Variants in ATP1A3 observed in about 807,000 individuals in gnomAD.
ATP1A3 encodes the protein sodium/potassium-transporting ATPase subunit alpha-3.
Under a neutral mutation model 108.8 loss-of-function variants are expected in ATP1A3, and 12 were observed. The ratio of observed to expected loss-of-function variants is 0.11; its 90% CI spans 0.07 to 0.18. The LOEUF (loss-of-function observed/expected upper bound fraction) is 0.18. Ranked by LOEUF, ATP1A3 falls within the 10% of genes least tolerant of loss-of-function variation. The pLI is 1.00. For missense variants in ATP1A3, 498 were observed against 1,387.7 expected (o/e 0.36, Z 10.19); for synonymous variants, 539 against 564.5 (o/e 0.95, Z 0.64).
rs2075072893 is a variant in ATP1A3, at chr19:41,968,939, CG to C, written c.2689-25del. 1 of 1,613,206 alleles carries C rather than the reference CG, an allele frequency of 6.2e-7. No homozygotes were observed. The highest frequency in any genetic ancestry group is 1.7e-5 in the Admixed American group (1 of 59,984). On this transcript the variant is annotated intron_variant, in intron 19 of 22. Coordinates refer to ENST00000648268, the MANE Select transcript of ATP1A3 (RefSeq NM_152296.5). This position sits in a 1 kb window ranked among gnomAD's most constrained non-coding sequence, Gnocchi z 5.0. ...GTCTGCAGGAGCGGTGACCAGGGCA[CG>C]GGACGTCAGTTAGTGGCACTGCAGC...
At position 41,970,756 on chromosome 19, in the gene ATP1A3, C is replaced by T. The variant is rs61355139; in HGVS notation, c.2264-214G>A. Among the ~76,000 whole-genome samples the T allele has an allele frequency of 2.3e-4, 35 of 151,538 alleles. 1 individual carries two copies. The South Asian group carries it at 4.6e-3, about 20-fold the overall frequency. ...ACGCCATTCTCCTGCCTCAGCCTCC[C>T]GAGTAGCTGGCACTACAGGCACCTG... On this transcript the variant is annotated intron_variant, in intron 16 of 22. Coordinates refer to ENST00000648268, the MANE Select transcript of ATP1A3 (RefSeq NM_152296.5).
Position 41,967,823 on chromosome 19 carries a change from C to G in ATP1A3, c.2820-60G>C, listed in dbSNP as rs200797477. ...AGCACCCACCCTGCACCTGCCACCC[C>G]GCAGAGACAGGGGGAGGCACAGTGC... On this transcript the variant is annotated intron_variant, in intron 20 of 22. Transcript: ENST00000648268. This position sits in a 1 kb window ranked among gnomAD's most constrained non-coding sequence, Gnocchi z 4.2. 7.3e-6 allele frequency: 11 copies of G among 1,496,824 alleles called. No individual in the cohort carries two copies. Among genetic ancestry groups the G allele is most frequent in the African/African-American group, 1.4e-5 (1 of 72,576 alleles). The allele number at this position is 1,496,824 out of a possible 1,614,324, so 92.7% of individuals were successfully genotyped here. A position where few individuals can be genotyped will look rare whatever the true frequency, so the allele number is the denominator to read the frequency against.
In ATP1A3 at chr19:41,981,382, C is replaced by A; in HGVS notation, c.1437+120G>T. 1 of 1,489,920 alleles carries A rather than the reference C, an allele frequency of 6.7e-7. No individual in the cohort carries two copies. The highest frequency in any genetic ancestry group is 1.7e-5 in the Admixed American group (1 of 58,802). The allele number at this position is 1,489,920 out of a possible 1,614,324, so 92.3% of individuals were successfully genotyped here. Reference sequence around the variant, plus strand: ...CAAGCTCTCCCTGTTCCTCTCCCCACCAGGCGGGTATTATCATTCCCATTT... The same window carrying A: ...CAAGCTCTCCCTGTTCCTCTCCCCAACAGGCGGGTATTATCATTCCCATTT... On this transcript the variant is annotated intron_variant, in intron 11 of 22. Transcript: ENST00000648268. This position sits in a 1 kb window ranked among gnomAD's most constrained non-coding sequence, Gnocchi z 5.0.
chr19:41,971,078 C>T (rs987405516), intron 16 of ATP1A3, among the ~76,000 whole-genome samples: 5 of 152,142 alleles, frequency 3.3e-5, no homozygotes, highest in Non-Finnish European at 2.9e-5. Context: ...ATCCTCCTGC[C>T]TCAGCCTCCC....
chr19:41,983,926 C>T (rs893260274), intron 8 of ATP1A3, among the ~76,000 whole-genome samples: 1 of 151,712 alleles, frequency 6.6e-6, no homozygotes, highest in African/African-American at 2.4e-5. Flanking sequence ...AGGCACCCAT[C>T]ACCACGCCTG....
intron 11 of ATP1A3, among the ~76,000 whole-genome samples, chr19:41,979,341 G>A (rs1555862594): frequency 1.3e-5 from 2 of 151,026 alleles, no homozygotes; most frequent in Admixed American, 1.3e-4. Flanking sequence ...TTAAGACAGG[G>A]TCTCACTCTG....
At chr19:41,980,867 C>T (rs1018618668) in intron 11 of ATP1A3, among the ~76,000 whole-genome samples, 4 of 151,446 alleles carry the variant, frequency 2.6e-5, no homozygotes, top group Non-Finnish European at 5.9e-5. Context: ...GCTGAGATCG[C>T]GCCACTGCAC....
intron 1 of ATP1A3, chr19:41,993,552 G>A (rs1287937862): frequency 2.8e-5 from 32 of 1,161,162 alleles, no homozygotes; most frequent in African/African-American, 5.0e-5. Flanking sequence ...CACACACACT[G>A]CGGAGTCCCC....
Position 41,981,281 on chromosome 19 carries a change from G to A in ATP1A3, c.1437+221C>T, listed in dbSNP as rs1379323688. Among the ~76,000 whole-genome samples the A allele has an allele frequency of 6.6e-6, 1 of 151,976 alleles. No homozygotes were observed. Among genetic ancestry groups the A allele is most frequent in the African/African-American group, 2.4e-5 (1 of 41,350 alleles). On this transcript the variant is annotated intron_variant, in intron 11 of 22. Transcript: ENST00000648268. The surrounding 1 kb of genome is among the most constrained non-coding windows in gnomAD (Gnocchi z 5.0). ...CCCAAAGTTCTGGTGTTAAAGGTGT[G>A]AGCCACCGCGCCTGGCCTGCAGGAA...
intron 1 of ATP1A3, among the ~76,000 whole-genome samples, chr19:41,989,742 C>T (rs1427869590): frequency 6.6e-6 from 1 of 152,122 alleles, no homozygotes; most frequent in African/African-American, 2.4e-5. Flanking sequence ...TTCATCATCT[C>T]TCTGTCTCCT....
Position 41,968,653 on chromosome 19 carries a change from G to T in ATP1A3, c.2819+132C>A. ...ATTACACCACTGAACTCCAGTCTGG[G>T]TGACAGAGTGAGACCCTGCCTCAAC... On this transcript the variant is annotated intron_variant, in intron 20 of 22. Transcript: ENST00000648268. This position sits in a 1 kb window ranked among gnomAD's most constrained non-coding sequence, Gnocchi z 5.0. 7.0e-7 allele frequency: 1 copy of T among 1,431,554 alleles called. No individual in the cohort carries two copies. Among genetic ancestry groups the T allele is most frequent in the South Asian group, 1.2e-5 (1 of 82,358 alleles). 88.7% of individuals were successfully genotyped at this position (1,431,554 alleles called of 1,614,324 possible).
intron 18 of ATP1A3, among the ~76,000 whole-genome samples, chr19:41,969,966 G>A (rs1555859396): frequency 1.3e-5 from 2 of 152,226 alleles, no homozygotes; most frequent in East Asian, 3.9e-4. Context: ...CCCCAAGGGT[G>A]GCTGCTCCAC....
rs376478658 is a variant in ATP1A3 at position 41,978,572 on chromosome 19, C to T, written c.1630+34G>A. 14 of 1,609,716 alleles carry T rather than the reference C, an allele frequency of 8.7e-6. No homozygotes were observed. Among genetic ancestry groups the T allele is most frequent in the African/African-American group, 8.0e-5 (6 of 74,852 alleles). ...CAGCATCACAACCCTCCTTGCCCTC[C>T]AGGGACCCCAGAGCCCGCCCGGCAG... is the stretch of plus-strand genomic sequence containing the variant. On this transcript the variant is annotated intron_variant, in intron 12 of 22. Transcript: ENST00000648268. This position sits in a 1 kb window ranked among gnomAD's most constrained non-coding sequence, Gnocchi z 8.3.
rs200271372 is a variant in ATP1A3 at position 41,978,808 on chromosome 19, G to A, written c.1438-10C>T. The A allele has an allele frequency of 1.4e-4, 221 of 1,613,366 alleles. No homozygotes were observed. The highest frequency in any genetic ancestry group is 1.8e-4 in the Non-Finnish European group (209 of 1,179,666). ...TCTCATGGATGGAGAGCTGGGGACC[G>A]ATCAGAGGGTGGCGTGCCTGAGCCA... is the stretch of plus-strand genomic sequence containing the variant. On this transcript the variant is annotated splice_polypyrimidine_tract_variant and intron_variant, in intron 11 of 22. Transcript: ENST00000648268. This position sits in a 1 kb window ranked among gnomAD's most constrained non-coding sequence, Gnocchi z 8.3.
intron 16 of ATP1A3, among the ~76,000 whole-genome samples, chr19:41,971,480 A>C (rs1389388938): frequency 1.3e-5 from 2 of 152,152 alleles, no homozygotes; most frequent in Non-Finnish European, 2.9e-5. Context: ...CACTCATCAG[A>C]GCCAAAAGCC....
intron 1 of ATP1A3, among the ~76,000 whole-genome samples, chr19:41,990,085 G>A (rs908080856): frequency 6.6e-6 from 1 of 151,860 alleles, no homozygotes; most frequent in African/African-American, 2.4e-5. Flanking sequence ...GTCTTTTTCC[G>A]TCTTTCGGTC....
chr19:41,979,834 C>T (rs1262327480), intron 11 of ATP1A3, among the ~76,000 whole-genome samples: 3 of 152,168 alleles, frequency 2.0e-5, no homozygotes, highest in East Asian at 3.8e-4. Flanking sequence ...CTTAGAGGGA[C>T]GAGCTATGGT....
chr19:41,978,718 G>T lies in ATP1A3; in HGVS notation c.1518C>A (p.Asp506Glu). Residue 506 changes from aspartate (D) to glutamate (E), a missense_variant, in exon 12 of 23, where the codon GAC becomes GAA. By Grantham distance (45) the Asp-to-Glu change is conservative (BLOSUM62 2). Around this residue, in one of 9 missense-constraint regions of ATP1A3, gnomAD observed 92 missense variants for 168.7 expected, o/e 0.55. Transcript: ENST00000648268. The surrounding 1 kb of genome is among the most constrained non-coding windows in gnomAD (Gnocchi z 8.3). ...CCTGTAGCAGGATGGTGGAGCAGCGGTCCAGGATGCGCTCGGGGGCACCCT... is the reference window on the plus strand; with the variant it reads ...CCTGTAGCAGGATGGTGGAGCAGCGTTCCAGGATGCGCTCGGGGGCACCCT... The part of the protein sequence containing the change: ...VMKGAPERIL[D>E]RCSTILLQGK... 6.2e-7 allele frequency: 1 copy of T among 1,614,138 alleles called. No individual in the cohort carries two copies. The highest frequency in any genetic ancestry group is 1.7e-5 in the Admixed American group (1 of 60,018).
At chr19:41,974,898 G>A (rs762063420) in intron 16 of ATP1A3, among the ~76,000 whole-genome samples, 30 of 152,214 alleles carry the variant, frequency 2.0e-4, no homozygotes, top group Non-Finnish European at 3.2e-4. Context: ...CTCTGCCTGC[G>A]ACTCCCTGGC....
Sources: allele counts gnomAD v4.1 joint callset (sites outside exome capture counted in the v4.1 genomes callset), GRCh38; gene constraint gnomAD v4.1.1; regional missense constraint gnomAD v4.1.1; non-coding constraint Gnocchi (gnomAD v3.1); transcripts MANE v1.5; gene names NCBI Gene and HGNC (gene_info 2026-07-23, HGNC 2026-07-21).